TAS2R1: variants seen among roughly 807,000 people sequenced by gnomAD.
The protein encoded by TAS2R1 is taste 2 receptor member 1, also known as taste receptor type 2 member 1.
For synonymous variants in TAS2R1, 141 were observed against 134.2 expected (o/e 1.05, Z -0.35); for missense variants, 370 against 353.4 (o/e 1.05, Z -0.38).
At chr5:9,699,359 T>C (rs1741430019) in intron 1 of TAS2R1, among the ~76,000 whole-genome samples, 1 of 152,224 alleles carries the variant, frequency 6.6e-6, no homozygotes, top group Non-Finnish European at 1.5e-5. Context: ...CATGCTCCCA[T>C]TAATATGTAG....
chr5:9,865,750 C>T, the TAS2R1 span, among the ~76,000 whole-genome samples: 1 of 152,194 alleles, frequency 6.6e-6, no homozygotes, highest in African/African-American at 2.4e-5. Context: ...CATTGTTTCC[C>T]ATCACAAGTC....
the TAS2R1 span, among the ~76,000 whole-genome samples, chr5:9,856,517 T>C: frequency 6.6e-6 from 1 of 151,946 alleles, no homozygotes; most frequent in Non-Finnish European, 1.5e-5. Flanking sequence ...AAAGAAAGAG[T>C]GTTCCTACCA....
At chr5:9,664,711 ACTCAGC>A (rs142130973) in intron 1 of TAS2R1, among the ~76,000 whole-genome samples, 7,082 of 152,262 alleles carry the variant, frequency 0.047, 523 homozygotes, top group African/African-American at 0.16. Context: ...GCCTATCAAA[ACTCAGC>A]CTATTCCTTG....
chr5:9,667,136 G>A (rs978096265), intron 1 of TAS2R1, among the ~76,000 whole-genome samples: 2 of 152,008 alleles, frequency 1.3e-5, no homozygotes, highest in African/African-American at 2.4e-5. Context: ...GCATTCTGTT[G>A]AAAACTAGAA....
chr5:9,701,679 G>A (rs990372514), intron 1 of TAS2R1, among the ~76,000 whole-genome samples: 4 of 152,162 alleles, frequency 2.6e-5, no homozygotes, highest in Admixed American at 1.3e-4. Flanking sequence ...AAATACTTTT[G>A]TAAAGTTATT....
At chr5:9,707,770 A>G (rs73037652) in intron 1 of TAS2R1, among the ~76,000 whole-genome samples, 2,527 of 152,058 alleles carry the variant, frequency 0.017, 81 homozygotes, top group African/African-American at 0.058. Context: ...GTGTAACCTC[A>G]TGGAACCCTA....
At chr5:9,794,665 C>A in the TAS2R1 span, among the ~76,000 whole-genome samples, 6 of 152,124 alleles carry the variant, frequency 3.9e-5, no homozygotes, top group Non-Finnish European at 7.4e-5. Flanking sequence ...GAGAAAATAT[C>A]TTTACTAAAA....
chr5:9,691,009 C>T (rs373691557), intron 1 of TAS2R1, among the ~76,000 whole-genome samples: 1 of 152,170 alleles, frequency 6.6e-6, no homozygotes, highest in South Asian at 2.1e-4. Flanking sequence ...TAAACGTGGG[C>T]GTCTCTGCAC....
At position 9,629,187 on chromosome 5, in the gene TAS2R1, A is replaced by G. The variant is rs1279685242; in HGVS notation, c.846T>C (p.Pro282=). ...GHSLILILGN[P]KLKQNAKKFL... ...ACTTTTTTGCATTTTGTTTCAATTT[A>G]GGATTTCCTAAAATTAAGATGAGAG... The change falls in exon 1 of 1, where the codon CCT becomes CCC. Residue 282 remains proline, a synonymous_variant. Coordinates refer to ENST00000382492, the MANE Select transcript of TAS2R1 (RefSeq NM_019599.3). The G allele has an allele frequency of 6.3e-7, 1 of 1,591,606 alleles. No homozygotes were observed.
At chr5:9,748,741 C>A in the TAS2R1 span, among the ~76,000 whole-genome samples, 1 of 152,118 alleles carries the variant, frequency 6.6e-6, no homozygotes, top group Non-Finnish European at 1.5e-5. Context: ...CTCTATGACC[C>A]AAATACATCC....
chr5:9,749,460 C>A, the TAS2R1 span, among the ~76,000 whole-genome samples: 1 of 152,298 alleles, frequency 6.6e-6, no homozygotes, highest in East Asian at 1.9e-4. Context: ...AGCATCTGTA[C>A]ATTTAAGGCA....
At chr5:9,691,741 G>C (rs1004081456) in intron 1 of TAS2R1, among the ~76,000 whole-genome samples, 3 of 152,180 alleles carry the variant, frequency 2.0e-5, no homozygotes, top group African/African-American at 4.8e-5. Context: ...ATGTTACTTG[G>C]TAAAACAAAC....
At chr5:9,848,880 C>T in the TAS2R1 span, among the ~76,000 whole-genome samples, 2 of 152,152 alleles carry the variant, frequency 1.3e-5, no homozygotes, top group South Asian at 2.1e-4. Context: ...ACCTGCTTAA[C>T]CGTTTTTTAA....
At chr5:9,654,087 T>A (rs1740361032) in intron 2 of TAS2R1, among the ~76,000 whole-genome samples, 1 of 152,174 alleles carries the variant, frequency 6.6e-6, no homozygotes, top group Admixed American at 6.5e-5. Context: ...TAACAAGAAA[T>A]GTAAATTCCC....
rs1741409373 is a variant in TAS2R1, at chr5:9,698,472, A to G, written c.-242+13700T>C. On this transcript the variant is annotated intron_variant, in intron 1 of 2. Transcript: ENST00000506620. ...CCAAAATTCCTGAGCGATATTTTTC[A>G]ATGGTTGTACAGAAAGCATCTTTCT... 1.3e-5 allele frequency among the ~76,000 whole-genome samples: 2 copies of G among 152,180 alleles called. 1 individual carries two copies. Among genetic ancestry groups the G allele is most frequent in the Admixed American group, 1.3e-4 (2 of 15,260 alleles).
the TAS2R1 span, among the ~76,000 whole-genome samples, chr5:9,741,199 C>T: frequency 1.5e-3 from 232 of 152,284 alleles, 1 homozygote; most frequent in African/African-American, 5.2e-3. Flanking sequence ...AACACAATCA[C>T]ACCCTCCTTT....
upstream of TAS2R1, among the ~76,000 whole-genome samples, chr5:9,632,363 T>A (rs1739887156): frequency 1.3e-5 from 2 of 152,238 alleles, no homozygotes; most frequent in Admixed American, 1.3e-4. Context: ...CTTGCTTCAA[T>A]GTTGATGGCT....
At chr5:9,653,536 T>C (rs950743718) in intron 2 of TAS2R1, among the ~76,000 whole-genome samples, 3 of 152,172 alleles carry the variant, frequency 2.0e-5, no homozygotes, top group African/African-American at 7.2e-5. Context: ...AATCCAGAAG[T>C]AGGATTGCTG....
At chr5:9,653,476 G>A (rs773748703) in intron 2 of TAS2R1, among the ~76,000 whole-genome samples, 1 of 122,352 alleles carries the variant, frequency 8.2e-6, no homozygotes, top group African/African-American at 2.6e-5. Flanking sequence ...CTATAAACAT[G>A]GGTGTACAAA....
Sources: gnomAD v4.1 joint callset for allele counts (sites outside exome capture counted in the v4.1 genomes callset) on GRCh38, gnomAD v4.1.1 for gene constraint, MANE v1.5 for transcripts, NCBI Gene and HGNC (gene_info 2026-07-23, HGNC 2026-07-21) for gene names.